Variants in DCAF6 observed in about 807,000 individuals in gnomAD.
DCAF6 encodes DDB1 and CUL4 associated factor 6.
Under a neutral mutation model 125.1 loss-of-function variants are expected in DCAF6, and 54 were observed. The ratio of observed to expected loss-of-function variants is 0.43; its 90% CI spans 0.35 to 0.54. The LOEUF (loss-of-function observed/expected upper bound fraction) is 0.54, where lower values mean the gene tolerates loss of function less well. Ranked by LOEUF, DCAF6 falls within the 20% of genes least tolerant of loss-of-function variation. The pLI is 0.01. For missense variants in DCAF6, 934 were observed against 1,161.7 expected (o/e 0.80, Z 2.85); for synonymous variants, 371 against 390.4 (o/e 0.95, Z 0.58).
chr1:168,075,442 C>CT lies in DCAF6; in HGVS notation c.*12dup. 6.3e-7 allele frequency: 1 copy of CT among 1,589,550 alleles called. No homozygotes were observed. Among genetic ancestry groups the CT allele is most frequent in the Non-Finnish European group, 8.5e-7 (1 of 1,172,818 alleles). ...AAATGAGGATGAGGAATAATAAACTCTTTTTGGCAAGCACTTAAATGTTCT... is the reference window on the plus strand; with the variant it reads ...AAATGAGGATGAGGAATAATAAACTCTTTTTTGGCAAGCACTTAAATGTTCT... On this transcript the variant is annotated 3_prime_UTR_variant, in exon 22 of 22. Transcript: ENST00000367840.
At chr1:167,941,499 T>G (rs1006331331) in intron 1 of DCAF6, among the ~76,000 whole-genome samples, 1 of 152,190 alleles carries the variant, frequency 6.6e-6, no homozygotes, top group Admixed American at 6.5e-5. Flanking sequence ...TGGCAACCTG[T>G]GATATACACA....
At chr1:168,056,579 A>G (rs929162347) in intron 17 of DCAF6, among the ~76,000 whole-genome samples, 2 of 152,262 alleles carry the variant, frequency 1.3e-5, no homozygotes, top group Non-Finnish European at 2.9e-5. Flanking sequence ...GATGAAGGTC[A>G]CTGTTGTCCA....
chr1:168,075,183 T>A (rs1693661909), intron 21 of DCAF6, among the ~76,000 whole-genome samples, 188 bp from the exon 22 acceptor site: 1 of 152,342 alleles, frequency 6.6e-6, no homozygotes, highest in East Asian at 1.9e-4. Flanking sequence ...TTACATGTTT[T>A]AGAATAACAT....
In DCAF6 at chr1:168,064,927, G is replaced by T. The variant is rs546887546; in HGVS notation, c.2440-663G>T. The stretch of plus-strand genomic sequence containing the variant: ...CTGCTTCATAAAATTAAGTATGTTT[G>T]TATCTTTCTCAATTGTGTTAGCTTA... On this transcript the variant is annotated intron_variant, in intron 18 of 21. Coordinates refer to ENST00000367840, the MANE Select transcript of DCAF6 (RefSeq NM_001198956.2). 2.6e-5 allele frequency among the ~76,000 whole-genome samples: 4 copies of T among 152,170 alleles called. No homozygotes were observed. The South Asian group carries it at 8.3e-4, about 32-fold the overall frequency.
chr1:167,938,850 C>CT (rs1671781466), intron 1 of DCAF6, among the ~76,000 whole-genome samples: 1 of 152,112 alleles, frequency 6.6e-6, no homozygotes, highest in African/African-American at 2.4e-5. Context: ...CCTCCTACTC[C>CT]AACTCCCTAA....
chr1:168,025,703 G>GAAT (rs1686251197), intron 12 of DCAF6, among the ~76,000 whole-genome samples: 3 of 152,042 alleles, frequency 2.0e-5, no homozygotes, highest in African/African-American at 7.2e-5. Flanking sequence ...TAGATTAATG[G>GAAT]AATAATCCCT....
intron 1 of DCAF6, among the ~76,000 whole-genome samples, chr1:167,944,186 A>G (rs1482747249): frequency 6.6e-6 from 1 of 152,182 alleles, no homozygotes; most frequent in East Asian, 1.9e-4. Flanking sequence ...CATTGTGTAT[A>G]TATACCACAT....
At chr1:168,028,718 A>G (rs1572005582) in intron 12 of DCAF6, among the ~76,000 whole-genome samples, 1 of 152,176 alleles carries the variant, frequency 6.6e-6, no homozygotes, top group Non-Finnish European at 1.5e-5. Flanking sequence ...GAAAAGTTGG[A>G]CCTGCCATGC....
the DCAF6 span, among the ~76,000 whole-genome samples, chr1:167,891,769 A>G: frequency 2.4e-4 from 37 of 152,112 alleles, no homozygotes; most frequent in Non-Finnish European, 5.3e-4. Flanking sequence ...AAATCACTGC[A>G]CTTTCTCCCC....
intron 17 of DCAF6, among the ~76,000 whole-genome samples, chr1:168,053,855 A>G (rs1690262699): frequency 1.3e-5 from 2 of 152,202 alleles, no homozygotes; most frequent in Admixed American, 6.5e-5. Context: ...AGGCAGAGCA[A>G]TGTAACATGC....
intron 17 of DCAF6, among the ~76,000 whole-genome samples, chr1:168,059,536 A>G (rs140411490): frequency 6.6e-6 from 1 of 152,358 alleles, no homozygotes; most frequent in East Asian, 1.9e-4. Context: ...TTTCAGTTCT[A>G]CAAATAAGTC....
chr1:168,056,311 C>T (rs958807431), intron 17 of DCAF6: 93 of 1,604,976 alleles, frequency 5.8e-5, no homozygotes, highest in Middle Eastern at 4.4e-4. Flanking sequence ...AGCGTACGGA[C>T]GGCGCCCACC....
In DCAF6 at chr1:168,071,453, TA is replaced by T. The variant is rs111408192; in HGVS notation, c.2791+2998del. Among the ~76,000 whole-genome samples the T allele has an allele frequency of 3.0e-3, 451 of 151,476 alleles. 1 individual carries two copies. Among genetic ancestry groups the T allele is most frequent in the African/African-American group, 0.01 (424 of 41,342 alleles). ...ACCCCGTCTCTATAAAAATAAAAAA[TA>T]AAAAAAATTATAAATACAAAAATAC... On this transcript the variant is annotated intron_variant, in intron 21 of 21. Transcript: ENST00000367840.
chr1:167,880,259 G>C, the DCAF6 span: 1 of 1,400,960 alleles, frequency 7.1e-7, no homozygotes. Flanking sequence ...AAGTGGGAAG[G>C]GTGGGAAATA....
chr1:168,034,210 G>A (rs1687513106), intron 12 of DCAF6, among the ~76,000 whole-genome samples: 1 of 152,062 alleles, frequency 6.6e-6, no homozygotes, highest in Non-Finnish European at 1.5e-5. Flanking sequence ...TATTAAGTAG[G>A]AACTTCATAT....
chr1:167,962,153 G>C (rs895009789), intron 2 of DCAF6, among the ~76,000 whole-genome samples: 10 of 152,112 alleles, frequency 6.6e-5, no homozygotes, highest in Non-Finnish European at 1.3e-4. Context: ...AGCTTTAGAG[G>C]ACTGTATATT....
chr1:168,028,123 G>C (rs961280711), intron 12 of DCAF6, among the ~76,000 whole-genome samples: 1 of 152,092 alleles, frequency 6.6e-6, no homozygotes, highest in Admixed American at 6.5e-5. Context: ...AGTTTCAACA[G>C]TATGTTTTAA....
the DCAF6 span, among the ~76,000 whole-genome samples, chr1:167,906,208 A>G: frequency 6.6e-6 from 1 of 152,140 alleles, no homozygotes; most frequent in Non-Finnish European, 1.5e-5. Context: ...TTTAACAGAC[A>G]AACTTTAAAA....
At chr1:168,049,876 C>T (rs139202721) in intron 16 of DCAF6, among the ~76,000 whole-genome samples, 3,096 of 149,474 alleles carry the variant, frequency 0.021, 100 homozygotes, top group African/African-American at 0.07. Context: ...AGGATGATCT[C>T]GATCTCCTGA....
Sources: allele counts gnomAD v4.1 joint callset (sites outside exome capture counted in the v4.1 genomes callset), GRCh38; gene constraint gnomAD v4.1.1; transcripts MANE v1.5; gene names NCBI Gene and HGNC (gene_info 2026-07-23, HGNC 2026-07-21).